The following DLGAP2 variants were observed in gnomAD, a reference collection of about 807,000 sequenced individuals.
The protein encoded by DLGAP2 is disks large-associated protein 2.
In DLGAP2, 26 loss-of-function variants were observed where a neutral mutation model predicts 100.3. That is an observed-to-expected ratio of 0.26 (90% confidence interval 0.19 to 0.36). The LOEUF (loss-of-function observed/expected upper bound fraction) is 0.36, where lower values mean the gene tolerates loss of function less well. DLGAP2 is among the 10% of genes least tolerant of loss of function. The pLI, the probability that DLGAP2 is intolerant of heterozygous loss-of-function variation, is 1.00. For synonymous variants in DLGAP2, 886 were observed against 630.1 expected (o/e 1.41, Z -6.08); for missense variants, 1,858 against 1,453.2 (o/e 1.28, Z -4.53).
intron 4 of DLGAP2, among the ~76,000 whole-genome samples, chr8:1,511,027 T>G (rs17748534): frequency 1.7e-3 from 257 of 152,376 alleles, no homozygotes; most frequent in Middle Eastern, 6.8e-3. Flanking sequence ...ACAGTATTTG[T>G]TCTCCCCAGG....
intron 6 of DLGAP2, among the ~76,000 whole-genome samples, chr8:1,594,655 C>T (rs548469173): frequency 2.0e-5 from 3 of 152,232 alleles, no homozygotes; most frequent in Admixed American, 2.0e-4. Context: ...AACTCCTGAC[C>T]TCAAGTGATC....
At chr8:1,200,394 C>G (rs1348221744) in intron 2 of DLGAP2, among the ~76,000 whole-genome samples, 1 of 152,208 alleles carries the variant, frequency 6.6e-6, no homozygotes, top group Non-Finnish European at 1.5e-5. Flanking sequence ...GATGTATTTC[C>G]TCAAGGACAG....
Position 1,562,299 on chromosome 8 carries a change from A to G in DLGAP2, c.1231-3384A>G, listed in dbSNP as rs548098019. On this transcript the variant is annotated intron_variant, in intron 5 of 14. Coordinates refer to ENST00000637795, the MANE Select transcript of DLGAP2 (RefSeq NM_001346810.2). ...GGTGTCGGCGCCTCGTTACTGGGGG[A>G]CTGTGTGGTGTTGGGGTGTCCGCGC... Among the ~76,000 whole-genome samples the G allele has an allele frequency of 3.2e-3, 39 of 12,338 alleles. 3 individuals are homozygous for G. Among genetic ancestry groups the G allele is most frequent in the African/African-American group, 0.014 (35 of 2,462 alleles). The allele number at this position is 12,338 out of a possible 152,430, so 8.1% of individuals were successfully genotyped here. A position where few individuals can be genotyped will look rare whatever the true frequency, so the allele number is the denominator to read the frequency against.
At chr8:914,060 T>C (rs886210637) in intron 2 of DLGAP2, among the ~76,000 whole-genome samples, 1 of 152,282 alleles carries the variant, frequency 6.6e-6, no homozygotes, top group African/African-American at 2.4e-5. Flanking sequence ...TCTCATTTCT[T>C]TGAAAGATCA....
intron 1 of DLGAP2, among the ~76,000 whole-genome samples, chr8:881,913 A>G (rs76660301): frequency 6.6e-6 from 1 of 151,950 alleles, no homozygotes; most frequent in African/African-American, 2.4e-5. Flanking sequence ...CCCACCCAAT[A>G]TCCAGTCTGG....
chr8:831,084 G>T (rs1354390369), intron 1 of DLGAP2, among the ~76,000 whole-genome samples: 2 of 151,908 alleles, frequency 1.3e-5, no homozygotes, highest in East Asian at 1.9e-4. Flanking sequence ...TTTTAGTAAA[G>T]ACAGGGTTTC....
intron 3 of DLGAP2, among the ~76,000 whole-genome samples, chr8:1,499,667 C>G (rs1026968957): frequency 2.6e-5 from 4 of 152,162 alleles, no homozygotes; most frequent in Admixed American, 1.3e-4. Flanking sequence ...TTTGAGCTGT[C>G]TTGTAAGATA....
chr8:993,787 CTTTTTTTTTTT>C (rs534659471), intron 2 of DLGAP2, among the ~76,000 whole-genome samples: 5 of 64,160 alleles, frequency 7.8e-5, no homozygotes, highest in Admixed American at 2.0e-4. Flanking sequence ...AACTGATTGG[CTTTTTTTTTTT>C]TTTTTTTTTT....
chr8:1,189,261 C>T (rs1797584309), intron 2 of DLGAP2, among the ~76,000 whole-genome samples: 1 of 152,234 alleles, frequency 6.6e-6, no homozygotes, highest in Non-Finnish European at 1.5e-5. Context: ...AGGGTTCGGG[C>T]CCCAGCGGGA....
intron 1 of DLGAP2, among the ~76,000 whole-genome samples, chr8:814,830 A>G (rs897076159): frequency 3.4e-5 from 5 of 147,034 alleles, no homozygotes; most frequent in Non-Finnish European, 7.5e-5. Context: ...CCAGCCTGGC[A>G]ACAGAGCAAG....
intron 2 of DLGAP2, among the ~76,000 whole-genome samples, chr8:1,123,681 T>C (rs1025903222): frequency 6.6e-6 from 1 of 152,200 alleles, no homozygotes; most frequent in African/African-American, 2.4e-5. Flanking sequence ...CTTTTTCTCT[T>C]TTTTTCTCTA....
chr8:949,425 A>G (rs1228438008), intron 2 of DLGAP2, among the ~76,000 whole-genome samples: 1 of 152,024 alleles, frequency 6.6e-6, no homozygotes. Context: ...ATGCGGATCC[A>G]GGAGAGAGGA....
chr8:1,585,687 C>T (rs1034275359), intron 6 of DLGAP2, among the ~76,000 whole-genome samples: 20 of 152,316 alleles, frequency 1.3e-4, no homozygotes, highest in African/African-American at 3.8e-4. Flanking sequence ...GAAAACCTGG[C>T]GGCCCCGTGC....
At chr8:1,303,417 A>C (rs1349732519) in intron 3 of DLGAP2, among the ~76,000 whole-genome samples, 5 of 148,744 alleles carry the variant, frequency 3.4e-5, no homozygotes, top group South Asian at 2.1e-4. Flanking sequence ...AAAAAAAAAA[A>C]AAAAAAAAAA....
At chr8:980,689 C>T (rs1002658199) in intron 2 of DLGAP2, among the ~76,000 whole-genome samples, 3 of 152,114 alleles carry the variant, frequency 2.0e-5, no homozygotes, top group Admixed American at 2.0e-4. Flanking sequence ...AGGAGAGACT[C>T]CAGCAGGAAG....
chr8:1,308,963 G>A (rs1199187066), intron 3 of DLGAP2, among the ~76,000 whole-genome samples: 3 of 152,034 alleles, frequency 2.0e-5, no homozygotes, highest in Non-Finnish European at 4.4e-5. Context: ...AAAAATAAAT[G>A]AAAAATTTAC....
intron 3 of DLGAP2, among the ~76,000 whole-genome samples, chr8:1,313,461 C>T (rs568628702): frequency 4.4e-4 from 67 of 152,198 alleles, no homozygotes; most frequent in African/African-American, 1.6e-3. Context: ...CCCTATACTC[C>T]CCCCCTTAAT....
intron 2 of DLGAP2, among the ~76,000 whole-genome samples, chr8:1,233,470 C>G (rs540999723): frequency 2.6e-5 from 4 of 152,140 alleles, no homozygotes; most frequent in Admixed American, 1.3e-4. Flanking sequence ...GGTTGGCTAA[C>G]GGGGCTAATC....
At chr8:1,178,947 C>T (rs1318438347) in intron 2 of DLGAP2, among the ~76,000 whole-genome samples, 1 of 152,094 alleles carries the variant, frequency 6.6e-6, no homozygotes, top group African/African-American at 2.4e-5. Context: ...CACCTGGGGC[C>T]CACGCCGCCC....
Sources: gnomAD v4.1 joint callset for allele counts (sites outside exome capture counted in the v4.1 genomes callset) on GRCh38, gnomAD v4.1.1 for gene constraint, MANE v1.5 for transcripts, NCBI Gene and HGNC (gene_info 2026-07-23, HGNC 2026-07-21) for gene names.